TMTC1: variants seen among roughly 807,000 people sequenced by gnomAD.
TMTC1 encodes transmembrane O-mannosyltransferase targeting cadherins 1.
A neutral mutation model predicts 104.8 loss-of-function variants in TMTC1; 73 were observed. The ratio of observed to expected loss-of-function variants is 0.70; its 90% CI spans 0.58 to 0.85. The LOEUF (loss-of-function observed/expected upper bound fraction) is 0.85. Ranked by LOEUF, TMTC1 falls within the 40% of genes least tolerant of loss-of-function variation. TMTC1 has a pLI of 0.00. For missense variants in TMTC1, 1,035 were observed against 1,096.1 expected (o/e 0.94, Z 0.79); for synonymous variants, 434 against 428.7 (o/e 1.01, Z -0.15).
intron 5 of TMTC1, among the ~76,000 whole-genome samples, chr12:29,707,224 G>A (rs1040812518): frequency 2.0e-5 from 3 of 152,152 alleles, no homozygotes; most frequent in African/African-American, 7.2e-5. Context: ...CCTTGGATCT[G>A]CTTCTGCCCC....
rs796819379 is a variant in TMTC1, at chr12:29,506,022, T to C, written c.*824A>G. 2.0e-5 allele frequency: 3 copies of C among 152,160 alleles called. No homozygotes were observed. Among genetic ancestry groups the C allele is most frequent in the Non-Finnish European group, 2.9e-5 (2 of 68,002 alleles). 9.4% of individuals were successfully genotyped at this position (152,160 alleles called of 1,614,324 possible). ...TAATTTTTTATGTAGAATATACTATTTTTTTCTCCACCAAAATAACAATAT... is the reference window on the plus strand; with the variant it reads ...TAATTTTTTATGTAGAATATACTATCTTTTTCTCCACCAAAATAACAATAT... On this transcript the variant is annotated 3_prime_UTR_variant, in exon 18 of 18. Coordinates refer to ENST00000539277, the MANE Select transcript of TMTC1 (RefSeq NM_001193451.2).
chr12:29,621,698 C>A (rs1937679361), intron 6 of TMTC1, among the ~76,000 whole-genome samples: 1 of 152,170 alleles, frequency 6.6e-6, no homozygotes, highest in Admixed American at 6.5e-5. Context: ...AGCTCACAGG[C>A]TGACATTCTC....
intron 6 of TMTC1, among the ~76,000 whole-genome samples, chr12:29,604,950 ATTAT>A (rs1946659210): frequency 6.6e-6 from 1 of 152,154 alleles, no homozygotes; most frequent in Non-Finnish European, 1.5e-5. Context: ...CTCCTCTGTT[ATTAT>A]ATATCTTTAT....
intron 10 of TMTC1, among the ~76,000 whole-genome samples, chr12:29,543,126 G>C (rs1046378777): frequency 6.6e-6 from 1 of 152,142 alleles, no homozygotes; most frequent in Non-Finnish European, 1.5e-5. Context: ...TGTTTAGAAT[G>C]TACGAATTTT....
At chr12:29,701,869 T>C (rs529371384) in intron 5 of TMTC1, among the ~76,000 whole-genome samples, 4 of 152,278 alleles carry the variant, frequency 2.6e-5, no homozygotes, top group Non-Finnish European at 5.9e-5. Flanking sequence ...TCTTAAGGCA[T>C]TTAAACAAAA....
At chr12:29,710,880 T>G in intron 5 of TMTC1, among the ~76,000 whole-genome samples, 1 of 133,342 alleles carries the variant, frequency 7.5e-6, no homozygotes, top group Non-Finnish European at 1.5e-5. Flanking sequence ...TATTATAAAT[T>G]ATATTATTAA....
chr12:29,684,397 AG>A (rs1846733185), intron 5 of TMTC1, among the ~76,000 whole-genome samples: 1 of 152,202 alleles, frequency 6.6e-6, no homozygotes, highest in Non-Finnish European at 1.5e-5. Context: ...AAATATATTT[AG>A]TTTATCTCAT....
chr12:29,551,452 A>G (rs182075192), intron 10 of TMTC1, among the ~76,000 whole-genome samples: 3 of 152,188 alleles, frequency 2.0e-5, no homozygotes, highest in Non-Finnish European at 4.4e-5. Context: ...TATCAAATTC[A>G]TCTGCTATAT....
At chr12:29,670,132 C>T (rs1475057271) in intron 5 of TMTC1, among the ~76,000 whole-genome samples, 1 of 152,168 alleles carries the variant, frequency 6.6e-6, no homozygotes, top group Admixed American at 6.5e-5. Flanking sequence ...TAGACGTTTG[C>T]ACTAAGAAAA....
At chr12:29,611,390 A>G (rs1038533175) in intron 6 of TMTC1, among the ~76,000 whole-genome samples, 1 of 152,204 alleles carries the variant, frequency 6.6e-6, no homozygotes, top group African/African-American at 2.4e-5. Flanking sequence ...TGGAAATGTA[A>G]GTTATATTCT....
In TMTC1 at chr12:29,738,054, G is replaced by GT. The variant is rs151043856; in HGVS notation, c.938+13611dup. Among the ~76,000 whole-genome samples the GT allele has an allele frequency of 6.7e-3, 1,021 of 152,334 alleles. 11 individuals are homozygous for GT. The highest frequency in any genetic ancestry group is 0.023 in the African/African-American group (936 of 41,580). On this transcript the variant is annotated intron_variant, in intron 5 of 17. Coordinates refer to ENST00000539277, the MANE Select transcript of TMTC1 (RefSeq NM_001193451.2). ...ACTATCTTCAGATTAGGGTACAACA[G>GT]TAAGTGCCAATTGGGTGCTTGTGTT...
chr12:29,564,624 A>G (rs1328427764), intron 9 of TMTC1, among the ~76,000 whole-genome samples: 1 of 152,194 alleles, frequency 6.6e-6, no homozygotes, highest in African/African-American at 2.4e-5. Context: ...GCAGTTTCAC[A>G]TGTGGGGAGG....
At chr12:29,643,699 A>ATG (rs1401405266) in intron 5 of TMTC1, among the ~76,000 whole-genome samples, 1 of 68 alleles carries the variant, frequency 0.015, no homozygotes, top group South Asian at 0.25. Flanking sequence ...TATTATATAT[A>ATG]TTATATATTA....
intron 7 of TMTC1, among the ~76,000 whole-genome samples, chr12:29,601,029 G>T (rs159709): frequency 0.36 from 54,948 of 152,020 alleles, 10,717 homozygotes; most frequent in African/African-American, 0.51. Context: ...GTTGGTTCCG[G>T]GAGGCAGGCA....
intron 5 of TMTC1, among the ~76,000 whole-genome samples, chr12:29,662,017 A>G (rs1940051319): frequency 6.6e-6 from 1 of 152,194 alleles, no homozygotes; most frequent in South Asian, 2.1e-4. Context: ...CGGTATTAAG[A>G]AGCCCCAAAT....
chr12:29,538,534 G>A (rs1451520140), intron 10 of TMTC1, among the ~76,000 whole-genome samples: 4 of 150,866 alleles, frequency 2.7e-5, no homozygotes. Flanking sequence ...AATCAGGAGA[G>A]AAAAAAAAAC....
intron 5 of TMTC1, among the ~76,000 whole-genome samples, chr12:29,698,124 T>C (rs991399671): frequency 2.0e-5 from 3 of 152,172 alleles, no homozygotes; most frequent in Non-Finnish European, 2.9e-5. Flanking sequence ...CAATTGCCTT[T>C]TGTCCCTTCC....
chr12:29,758,102 A>C (rs982146935), intron 3 of TMTC1, among the ~76,000 whole-genome samples: 3 of 152,184 alleles, frequency 2.0e-5, no homozygotes, highest in Non-Finnish European at 2.9e-5. Context: ...CTCTATATGG[A>C]CATGACATGA....
intron 5 of TMTC1, among the ~76,000 whole-genome samples, chr12:29,660,260 GAACT>G (rs1424757388): frequency 1.3e-5 from 2 of 152,206 alleles, no homozygotes; most frequent in Admixed American, 6.5e-5. Flanking sequence ...TCTGGAAAAA[GAACT>G]AACAGGGAGA....
Sources: gnomAD v4.1 joint callset for allele counts (sites outside exome capture counted in the v4.1 genomes callset) on GRCh38, gnomAD v4.1.1 for gene constraint, MANE v1.5 for transcripts, NCBI Gene and HGNC (gene_info 2026-07-23, HGNC 2026-07-21) for gene names.